CIMIP6: variants seen among roughly 807,000 people sequenced by gnomAD.
The protein encoded by CIMIP6 is ciliary microtubule inner protein 6, also known as uncharacterized protein C2orf73.
the CIMIP6 span, among the ~76,000 whole-genome samples, chr2:54,384,078 C>A: frequency 1.3e-5 from 2 of 152,214 alleles, no homozygotes; most frequent in South Asian, 2.1e-4. Flanking sequence ...TCTGTTATAG[C>A]AGCACAAACC....
At chr2:54,344,719 G>GTCCA in the CIMIP6 span, among the ~76,000 whole-genome samples, 1 of 151,826 alleles carries the variant, frequency 6.6e-6, no homozygotes. Flanking sequence ...CTGATCCCCC[G>GTCCA]TCCCCTTCTT....
At chr2:54,333,581 G>T in the CIMIP6 span, among the ~76,000 whole-genome samples, 1 of 152,062 alleles carries the variant, frequency 6.6e-6, no homozygotes, top group Non-Finnish European at 1.5e-5. Context: ...AAAACTACTT[G>T]AGGGTTTTAA....
the CIMIP6 span, among the ~76,000 whole-genome samples, chr2:54,343,153 CAATAA>C: frequency 6.6e-6 from 1 of 152,046 alleles, no homozygotes; most frequent in Non-Finnish European, 1.5e-5. Context: ...AATAGGAAAG[CAATAA>C]AATAGAATAG....
the CIMIP6 span, among the ~76,000 whole-genome samples, chr2:54,333,691 C>T: frequency 6.6e-6 from 1 of 152,040 alleles, no homozygotes; most frequent in African/African-American, 2.4e-5. Context: ...GAGTTAAAGA[C>T]CACCCTGGCC....
At chr2:54,379,958 CAA>C in the CIMIP6 span, among the ~76,000 whole-genome samples, 2,908 of 147,052 alleles carry the variant, frequency 0.02, 96 homozygotes, top group African/African-American at 0.068. Context: ...GCCTGGGTGA[CAA>C]GAGTGAAAGT....
At chr2:54,351,420 T>G in the CIMIP6 span, among the ~76,000 whole-genome samples, 1 of 152,180 alleles carries the variant, frequency 6.6e-6, no homozygotes, top group African/African-American at 2.4e-5. Context: ...GTGGCACATA[T>G]ACACCGTGGA....
At chr2:54,345,229 C>T in the CIMIP6 span, among the ~76,000 whole-genome samples, 1 of 151,994 alleles carries the variant, frequency 6.6e-6, no homozygotes, top group South Asian at 2.1e-4. Context: ...GAAATGAAGA[C>T]CCTAAGACAC....
At chr2:54,341,975 A>G in the CIMIP6 span, among the ~76,000 whole-genome samples, 3 of 152,328 alleles carry the variant, frequency 2.0e-5, no homozygotes, top group Admixed American at 2.0e-4. Context: ...TACATCAAGT[A>G]GTCTTAATTT....
chr2:54,354,031 A>G, the CIMIP6 span, among the ~76,000 whole-genome samples: 1 of 152,172 alleles, frequency 6.6e-6, no homozygotes, highest in African/African-American at 2.4e-5. Flanking sequence ...CCATGCGCGC[A>G]CTATTAAGTA....
chr2:54,339,359 T>C, the CIMIP6 span, among the ~76,000 whole-genome samples: 86 of 74,424 alleles, frequency 1.2e-3, 33 homozygotes, highest in Middle Eastern at 0.011. Context: ...ACAATTCACA[T>C]TGGTATATAA....
the CIMIP6 span, among the ~76,000 whole-genome samples, chr2:54,347,805 G>C: frequency 0.78 from 118,516 of 152,012 alleles, 46,310 homozygotes; most frequent in Non-Finnish European, 0.8. Flanking sequence ...TCAGAGGTAT[G>C]TGATGCCTCC....
the CIMIP6 span, chr2:54,344,001 C>A: frequency 2.4e-6 from 2 of 839,070 alleles, no homozygotes; most frequent in Non-Finnish European, 3.4e-6. Flanking sequence ...AATACACACA[C>A]AGCAAATACA....
the CIMIP6 span, chr2:54,358,830 G>C: frequency 2.0e-6 from 1 of 501,284 alleles, no homozygotes. Flanking sequence ...TTATTATTTA[G>C]ATTGTGTAAA....
chr2:54,356,884 G>C, the CIMIP6 span, among the ~76,000 whole-genome samples: 93 of 152,042 alleles, frequency 6.1e-4, 1 homozygote, highest in African/African-American at 2.2e-3. Flanking sequence ...CCTAAATTTA[G>C]AGCCGCTTCA....
At chr2:54,358,896 C>T in the CIMIP6 span, 11 of 714,168 alleles carry the variant, frequency 1.5e-5, no homozygotes, top group Admixed American at 3.2e-5. Context: ...ATTATTAATA[C>T]TGATTATATG....
At chr2:54,338,357 C>CAGTAAATTTTTTG in the CIMIP6 span, among the ~76,000 whole-genome samples, 9 of 16,742 alleles carry the variant, frequency 5.4e-4, no homozygotes, top group Admixed American at 1.1e-3. Context: ...ATGGCTTGAG[C>CAGTAAATTTTTTG]TCAGGAGTTC....
At chr2:54,343,023 C>G in the CIMIP6 span, among the ~76,000 whole-genome samples, 1 of 152,134 alleles carries the variant, frequency 6.6e-6, no homozygotes, top group South Asian at 2.1e-4. Context: ...TTCTTGTGTA[C>G]TTAGGTTTTA....
At chr2:54,381,188 C>T in the CIMIP6 span, among the ~76,000 whole-genome samples, 3 of 152,182 alleles carry the variant, frequency 2.0e-5, no homozygotes, top group Non-Finnish European at 2.9e-5. Context: ...CCTGCCCCAC[C>T]GTTCTCTGCC....
the CIMIP6 span, among the ~76,000 whole-genome samples, chr2:54,371,321 C>G: frequency 6.6e-6 from 1 of 152,206 alleles, no homozygotes; most frequent in Admixed American, 6.5e-5. Context: ...GCAGGTGCCA[C>G]CACTGGGGCT....
Sources: gnomAD v4.1 joint callset for allele counts (sites outside exome capture counted in the v4.1 genomes callset) on GRCh38, gnomAD v4.1.1 for gene constraint, MANE v1.5 for transcripts, NCBI Gene and HGNC (gene_info 2026-07-23, HGNC 2026-07-21) for gene names.